Variants in MAD1L1 observed in about 807,000 individuals in gnomAD.
MAD1L1 encodes the protein mitotic arrest deficient 1 like 1, also known as mitotic spindle assembly checkpoint protein MAD1.
In MAD1L1, 95 loss-of-function variants were observed where a neutral mutation model predicts 96.9. The ratio of observed to expected loss-of-function variants is 0.98; its 90% CI spans 0.83 to 1.16. The LOEUF (loss-of-function observed/expected upper bound fraction) is 1.16, where lower values mean the gene tolerates loss of function less well. Ranked by LOEUF, MAD1L1 falls within the 50% of genes most tolerant of loss-of-function variation. The pLI is 0.00. For missense variants in MAD1L1, 1,007 were observed against 954.4 expected, an observed-to-expected ratio of 1.06 and a Z score of -0.73; for synonymous variants, 473 against 396.6, an observed-to-expected ratio of 1.19 and a Z score of -2.29.
At chr7:2,000,350 C>T (rs1781737767) in intron 14 of MAD1L1, among the ~76,000 whole-genome samples, 1 of 152,172 alleles carries the variant, frequency 6.6e-6, no homozygotes, top group South Asian at 2.1e-4. Context: ...CCATTGCGGC[C>T]CTGCACAGAG....
intron 12 of MAD1L1, among the ~76,000 whole-genome samples, chr7:2,055,411 C>G (rs1156902549): frequency 6.6e-6 from 1 of 152,144 alleles, no homozygotes; most frequent in Admixed American, 6.5e-5. Flanking sequence ...TGGCCCGGAG[C>G]AGCACAGGAG....
At chr7:2,216,392 T>A in intron 7 of MAD1L1, 105 bp from the exon 8 acceptor site, 1 of 1,159,106 alleles carries the variant, frequency 8.6e-7, no homozygotes, top group Non-Finnish European at 1.2e-6. Context: ...CTGCAACGGC[T>A]ATACACACTG....
chr7:2,082,681 A>T (rs545979024), intron 11 of MAD1L1, among the ~76,000 whole-genome samples: 1 of 152,302 alleles, frequency 6.6e-6, no homozygotes, highest in Non-Finnish European at 1.5e-5. Flanking sequence ...AAATAGTTAA[A>T]AGAAGAGGCA....
chr7:1,852,089 G>C (rs1784007729), intron 18 of MAD1L1, among the ~76,000 whole-genome samples: 1 of 152,230 alleles, frequency 6.6e-6, no homozygotes, highest in African/African-American at 2.4e-5. Flanking sequence ...GGGCCCTCCT[G>C]AGGCCCGAGA....
At chr7:1,911,390 G>C (rs1212901113) in intron 17 of MAD1L1, among the ~76,000 whole-genome samples, 1 of 152,050 alleles carries the variant, frequency 6.6e-6, no homozygotes, top group Non-Finnish European at 1.5e-5. Flanking sequence ...CCCCGGCGCA[G>C]TCACTTGCAG....
rs1474747791 is a variant in MAD1L1 at position 2,042,020 on chromosome 7, T to G, written c.1218+27174A>C. Among the ~76,000 whole-genome samples the G allele has an allele frequency of 2.0e-5, 3 of 152,158 alleles. No homozygotes were observed. In the South Asian group the frequency reaches 6.2e-4, roughly 32 times the overall value. On this transcript the variant is annotated intron_variant, in intron 12 of 18. Transcript: ENST00000265854. ...AGCAAGGGACCATCCAAGAAAGACT[T>G]AGACACACACACGCACACGGACATG...
intron 15 of MAD1L1, among the ~76,000 whole-genome samples, chr7:1,971,079 G>C (rs183694011): frequency 8.6e-5 from 13 of 151,998 alleles, no homozygotes; most frequent in Admixed American, 2.6e-4. Context: ...CCAGCCCTTC[G>C]GTGTGCGAGT....
intron 10 of MAD1L1, among the ~76,000 whole-genome samples, chr7:2,184,112 C>T (rs957213773): frequency 1.3e-5 from 2 of 151,822 alleles, no homozygotes; most frequent in Non-Finnish European, 2.9e-5. Flanking sequence ...ATTAGCCAGG[C>T]GTGGTGGCGG....
intron 18 of MAD1L1, among the ~76,000 whole-genome samples, chr7:1,867,874 C>T (rs933673466): frequency 5.3e-5 from 8 of 152,204 alleles, no homozygotes; most frequent in Admixed American, 3.3e-4. Context: ...GGCGATGCAT[C>T]GGAGGCAGTC....
intron 17 of MAD1L1, among the ~76,000 whole-genome samples, chr7:1,924,581 A>G (rs1788990412): frequency 6.6e-6 from 1 of 152,228 alleles, no homozygotes; most frequent in Non-Finnish European, 1.5e-5. Flanking sequence ...ACTGCTGGGC[A>G]AGCAAACGCT....
At chr7:2,141,136 G>GCT (rs1405731283) in intron 11 of MAD1L1, among the ~76,000 whole-genome samples, 1 of 152,244 alleles carries the variant, frequency 6.6e-6, no homozygotes, top group East Asian at 1.9e-4. Flanking sequence ...AGGAGCGTGT[G>GCT]CTCGCCTTGC....
At chr7:1,859,603 G>A (rs911271895) in intron 18 of MAD1L1, among the ~76,000 whole-genome samples, 1 of 152,182 alleles carries the variant, frequency 6.6e-6, no homozygotes, top group Non-Finnish European at 1.5e-5. Context: ...GACCTTGCCA[G>A]CAAGGAGTGG....
chr7:1,821,036 G>C (rs1489631269), intron 18 of MAD1L1, among the ~76,000 whole-genome samples: 1 of 132,932 alleles, frequency 7.5e-6, no homozygotes, highest in African/African-American at 2.9e-5. Flanking sequence ...AGCCGAGATC[G>C]TGCCACTGCA....
intron 11 of MAD1L1, among the ~76,000 whole-genome samples, chr7:2,098,925 G>A (rs1330047849): frequency 1.3e-5 from 2 of 152,236 alleles, no homozygotes; most frequent in Non-Finnish European, 2.9e-5. Context: ...CAAAGGCTGA[G>A]CTGGAATTTG....
In MAD1L1 at chr7:2,044,048, G is replaced by C. The variant is rs373703918; in HGVS notation, c.1218+25146C>G. ...AACCACAGCAAAGGCCTGATGGAGA[G>C]AGGAGGGGAGACAGCAGCATGGGAG... On this transcript the variant is annotated intron_variant, in intron 12 of 18. Coordinates refer to ENST00000265854, the MANE Select transcript of MAD1L1 (RefSeq NM_001013836.2). Among the ~76,000 whole-genome samples the C allele has an allele frequency of 2.4e-4, 37 of 152,360 alleles. 1 individual carries two copies. The highest frequency in any genetic ancestry group is 7.2e-4 in the African/African-American group (30 of 41,588).
chr7:1,853,299 G>A (rs544424534), intron 18 of MAD1L1, among the ~76,000 whole-genome samples: 2 of 152,316 alleles, frequency 1.3e-5, no homozygotes, highest in East Asian at 1.9e-4. Flanking sequence ...GGCCCCACGC[G>A]TGTGGAGCTG....
At chr7:2,207,835 T>C (rs1450438496) in intron 10 of MAD1L1, among the ~76,000 whole-genome samples, 2 of 152,082 alleles carry the variant, frequency 1.3e-5, no homozygotes, top group African/African-American at 4.8e-5. Context: ...GAAGCAGAGA[T>C]GCCGGCCTAC....
chr7:2,121,350 G>C (rs1430463505), intron 11 of MAD1L1, among the ~76,000 whole-genome samples: 1 of 152,260 alleles, frequency 6.6e-6, no homozygotes, highest in Admixed American at 6.5e-5. Context: ...CAGGCACCGT[G>C]GGGACAGGCA....
intron 18 of MAD1L1, among the ~76,000 whole-genome samples, chr7:1,854,782 C>T (rs778992124): frequency 2.2e-4 from 33 of 152,220 alleles, no homozygotes; most frequent in Non-Finnish European, 4.3e-4. Context: ...TCCTCTCAAC[C>T]TCACTGGCGT....
Sources: allele counts gnomAD v4.1 joint callset (sites outside exome capture counted in the v4.1 genomes callset), GRCh38; gene constraint gnomAD v4.1.1; transcripts MANE v1.5; gene names NCBI Gene and HGNC (gene_info 2026-07-23, HGNC 2026-07-21).